Variants in NOD1 observed in about 807,000 individuals in gnomAD.
The protein encoded by NOD1 is nucleotide binding oligomerization domain containing 1, also known as nucleotide-binding oligomerization domain-containing protein 1.
Under a neutral mutation model 81.2 loss-of-function variants are expected in NOD1, and 70 were observed. The ratio of observed to expected loss-of-function variants is 0.86; its 90% CI spans 0.71 to 1.05. NOD1 has a LOEUF of 1.05. Ranked by LOEUF, NOD1 falls within the 50% of genes least tolerant of loss-of-function variation. The probability of loss-of-function intolerance (pLI) is 0.00; values close to 1 mark genes in which losing one functional copy is unlikely to be tolerated. For missense variants in NOD1, 1,233 were observed against 1,228.0 expected (o/e 1.00, Z -0.06); for synonymous variants, 508 against 526.9 (o/e 0.96, Z 0.49).
At position 30,451,332 on chromosome 7, in the gene NOD1, G is replaced by A. The variant is rs765571059; in HGVS notation, c.2085C>T (p.Leu695=). The change falls in exon 6 of 14, where the codon CTC becomes CTT. Residue 695 remains leucine, a synonymous_variant. Transcript: ENST00000222823. The surrounding 1 kb of genome is among the most constrained non-coding windows in gnomAD (Gnocchi z 4.2). The part of the protein sequence containing the change: ...CNACSADCSA[L]SFVLHHFPKR... ...TGGGGAAGTGATGCAGGACGAAGGAGAGGGCGCTGCAGTCGGCCGAGCAGG... is the reference window on the plus strand; with the variant it reads ...TGGGGAAGTGATGCAGGACGAAGGAAAGGGCGCTGCAGTCGGCCGAGCAGG... The A allele has an allele frequency of 3.1e-6, 5 of 1,614,226 alleles. No individual in the cohort carries two copies. Among genetic ancestry groups the A allele is most frequent in the African/African-American group, 1.3e-5 (1 of 75,082 alleles).
At position 30,478,708 on chromosome 7, in the gene NOD1, G is replaced by A. The variant is rs1789054075; in HGVS notation, c.-454C>T. ...CGGGGCCGGGAAGCGCCGTGGCCCG[G>A]GAGGACGCTGCTCCCGCAGTAGCGC... On this transcript the variant is annotated 5_prime_UTR_variant, in exon 1 of 14. Transcript: ENST00000222823. This position sits in a 1 kb window ranked among gnomAD's most constrained non-coding sequence, Gnocchi z 4.1. 1.3e-5 allele frequency: 2 copies of A among 152,350 alleles called. No homozygotes were observed. The highest frequency in any genetic ancestry group is 2.1e-4 in the South Asian group (1 of 4,840). The allele number at this position is 152,350 out of a possible 1,614,324, so 9.4% of individuals were successfully genotyped here. A position where few individuals can be genotyped will look rare whatever the true frequency, so the allele number is the denominator to read the frequency against.
At chr7:30,439,509 A>T (rs1391204272) in intron 9 of NOD1, among the ~76,000 whole-genome samples, 15 of 127,468 alleles carry the variant, frequency 1.2e-4, no homozygotes, top group African/African-American at 5.1e-4. Context: ...GCACCTGGAA[A>T]ATCGGGTCAC....
chr7:30,437,379 T>A (rs894771711), intron 10 of NOD1, among the ~76,000 whole-genome samples, 194 bp downstream of exon 10: 2 of 152,054 alleles, frequency 1.3e-5, no homozygotes, highest in African/African-American at 4.8e-5. Flanking sequence ...ATCCCAGAAC[T>A]TAAAGTTAAA....
chr7:30,448,048 CAATAACCAGTTGT>C (rs1583730570), intron 7 of NOD1: 1 of 498,962 alleles, frequency 2.0e-6, no homozygotes, highest in East Asian at 3.3e-5. Context: ...TTGCATCCCC[CAATAACCAGTTGT>C]AAGCCTACTT....
At position 30,433,161 on chromosome 7, in the gene NOD1, G is replaced by T. The variant is rs770057001; in HGVS notation, c.2640C>A (p.Leu880=). ...CCAAACTCTCTGCCACTTCATCGTT[G>T]AGTTCATTTTGGGTCAGCCTAAGGA... ...LEILWLTQNE[L]NDEVAESLAE... The change falls in exon 12 of 14, where the codon CTC becomes CTA. Residue 880 remains leucine (L), a synonymous_variant. Coordinates refer to ENST00000222823, the MANE Select transcript of NOD1 (RefSeq NM_006092.4). 1 of 1,613,876 alleles carries T rather than the reference G, an allele frequency of 6.2e-7. No individual in the cohort carries two copies.
chr7:30,458,369 A>G (rs1399830048), intron 3 of NOD1, among the ~76,000 whole-genome samples: 5 of 152,108 alleles, frequency 3.3e-5, no homozygotes, highest in Middle Eastern at 3.4e-3. Flanking sequence ...TCAGAGAGAG[A>G]GTAAAAAAAA....
At chr7:30,458,404 G>A (rs893987127) in intron 3 of NOD1, among the ~76,000 whole-genome samples, 1 of 152,032 alleles carries the variant, frequency 6.6e-6, no homozygotes, top group Non-Finnish European at 1.5e-5. Flanking sequence ...TCAAAAAAAA[G>A]CTCATAGATC....
At chr7:30,456,419 TC>T (rs944785064) in intron 4 of NOD1, among the ~76,000 whole-genome samples, 4 of 152,088 alleles carry the variant, frequency 2.6e-5, no homozygotes, top group African/African-American at 9.7e-5. Flanking sequence ...CTGGGGATGC[TC>T]TTATGCTTAT....
rs1049577615 is a variant in NOD1, at chr7:30,465,039, A to G, written c.-351-4998T>C. On this transcript the variant is annotated intron_variant, in intron 1 of 13. Transcript: ENST00000222823. ...CAGAGTTTACAACTGGGCAGGACAG[A>G]CAGACACAGAACAAGGAATCACAAG... Among the ~76,000 whole-genome samples the G allele has an allele frequency of 2.6e-5, 4 of 152,214 alleles. No homozygotes were observed. The East Asian group carries it at 5.8e-4, about 22-fold the overall frequency.
rs770406088 is a variant in NOD1, at chr7:30,451,492, C to G, written c.1925G>C (p.Ser642Thr). 1.9e-6 allele frequency: 3 copies of G among 1,613,228 alleles called. No individual in the cohort carries two copies. The highest frequency in any genetic ancestry group is 2.5e-6 in the Non-Finnish European group (3 of 1,179,944). Reference sequence around the variant, plus strand: ...GGGCATGGCCTGCACCTGGTTGAAGCTTTCGACCTGAACGCGGGGCAGGCT... The same window carrying G: ...GGGCATGGCCTGCACCTGGTTGAAGGTTTCGACCTGAACGCGGGGCAGGCT... The part of the protein sequence containing the change: ...LKSLPRVQVE[S>T]FNQVQAMPTF... Residue 642 changes from serine (S) to threonine (T), a missense_variant, in exon 6 of 14, where the codon AGC becomes ACC. Coordinates refer to ENST00000222823, the MANE Select transcript of NOD1 (RefSeq NM_006092.4). This position sits in a 1 kb window ranked among gnomAD's most constrained non-coding sequence, Gnocchi z 4.2.
At chr7:30,458,099 CT>C (rs1000140525) in intron 3 of NOD1, among the ~76,000 whole-genome samples, 1 of 152,086 alleles carries the variant, frequency 6.6e-6, no homozygotes, top group African/African-American at 2.4e-5. Flanking sequence ...AGTTTCTTGT[CT>C]GGGTAGGAAC....
chr7:30,425,428 AT>A lies in NOD1; in HGVS notation c.*209del. ...GTAACTACAACAGCTCGCAAGACAC[AT>A]TCTTTTTCTGCAGAATTGTAGCGGG... On this transcript the variant is annotated 3_prime_UTR_variant, in exon 14 of 14. Coordinates refer to ENST00000222823, the MANE Select transcript of NOD1 (RefSeq NM_006092.4). The A allele has an allele frequency of 1.7e-6, 1 of 596,616 alleles. No homozygotes were observed. Among genetic ancestry groups the A allele is most frequent in the African/African-American group, 1.9e-5 (1 of 53,846 alleles). The allele number at this position is 596,616 out of a possible 1,614,324, so 37.0% of individuals were successfully genotyped here. A position where few individuals can be genotyped will look rare whatever the true frequency, so the allele number is the denominator to read the frequency against.
rs1250641628 is a variant in NOD1 at position 30,425,274 on chromosome 7, G to A, written c.*364C>T. ...AAAGAGCGGTGACCAACTCGCTCCC[G>A]TTGGTCCCTATGGCAGGTGTTGGAA... On this transcript the variant is annotated 3_prime_UTR_variant, in exon 14 of 14. Transcript: ENST00000222823. 4 of 231,856 alleles carry A rather than the reference G, an allele frequency of 1.7e-5. No individual in the cohort carries two copies. In the East Asian group the frequency reaches 3.0e-4, roughly 17 times the overall value. 14.4% of individuals were successfully genotyped at this position (231,856 alleles called of 1,614,324 possible).
chr7:30,470,815 A>G (rs964742318), intron 1 of NOD1, among the ~76,000 whole-genome samples: 2 of 152,206 alleles, frequency 1.3e-5, no homozygotes, highest in Non-Finnish European at 2.9e-5. Context: ...GAAGAAAGCC[A>G]GCAGAAAACA....
In NOD1 at chr7:30,452,012, G is replaced by A. The variant is rs767538669; in HGVS notation, c.1405C>T (p.Arg469Trp). The A allele has an allele frequency of 1.7e-5, 28 of 1,613,368 alleles. No individual in the cohort carries two copies. In the East Asian group the frequency reaches 1.8e-4, roughly 10 times the overall value. ...TLCSLGQVAH[R>W]GMEKSLFVFT... The stretch of plus-strand genomic sequence containing the variant: ...ACAAAGAGGCTCTTCTCCATGCCCC[G>A]GTGGGCCACCTGCCCCAGCGAGCAC... The change falls in exon 6 of 14, where the codon CGG becomes TGG. Residue 469 changes from arginine (R) to tryptophan (W), a missense_variant. Physicochemically the swap from Arg to Trp is moderately radical, Grantham distance 101. Transcript: ENST00000222823.
intron 1 of NOD1, among the ~76,000 whole-genome samples, chr7:30,476,328 T>G (rs1239041735): frequency 1.3e-5 from 2 of 152,246 alleles, no homozygotes; most frequent in Non-Finnish European, 2.9e-5. Context: ...TGATGTCTAA[T>G]CTAAACAGCA....
intron 9 of NOD1, 95 bp from the exon 10 acceptor site, chr7:30,437,751 T>G (rs1311335957): frequency 1.3e-6 from 1 of 794,076 alleles, no homozygotes; most frequent in East Asian, 3.3e-5. Context: ...CAGTTCCTAC[T>G]CAACAGGCAG....
At position 30,425,546 on chromosome 7, in the gene NOD1, C is replaced by A; in HGVS notation, c.*92G>T. On this transcript the variant is annotated 3_prime_UTR_variant, in exon 14 of 14. Transcript: ENST00000222823. ...CTCCTGATAGTCCCGCCTGCGCAGG[C>A]CCCTTTAAGACACTGACACAAAAGA... 1 of 902,248 alleles carries A rather than the reference C, an allele frequency of 1.1e-6. No individual in the cohort carries two copies. 55.9% of individuals were successfully genotyped at this position (902,248 alleles called of 1,614,324 possible).
chr7:30,465,412 T>C (rs1050114755), intron 1 of NOD1, among the ~76,000 whole-genome samples: 1 of 152,162 alleles, frequency 6.6e-6, no homozygotes, highest in South Asian at 2.1e-4. Flanking sequence ...TAAAAAACAC[T>C]AGCAAACATG....
Sources: gnomAD v4.1 joint callset for allele counts (sites outside exome capture counted in the v4.1 genomes callset) on GRCh38, gnomAD v4.1.1 for gene constraint, Gnocchi (gnomAD v3.1) non-coding constraint, MANE v1.5 for transcripts, NCBI Gene and HGNC (gene_info 2026-07-23, HGNC 2026-07-21) for gene names.